Variants in THSD7A observed in about 807,000 individuals in gnomAD.
The protein encoded by THSD7A is thrombospondin type 1 domain containing 7A, also known as thrombospondin type-1 domain-containing protein 7A.
Under a neutral mutation model 231.3 loss-of-function variants are expected in THSD7A, and 96 were observed. The observed-to-expected ratio is 0.41, with a 90% CI of 0.35 to 0.49. THSD7A has a LOEUF of 0.49. Among genes scored for constraint, THSD7A ranks in the 20% least tolerant of loss-of-function variants. THSD7A has a pLI of 0.05. For missense variants in THSD7A, 2,290 were observed against 2,070.2 expected, an observed-to-expected ratio of 1.11 and a Z score of -2.06; for synonymous variants, 940 against 743.3, an observed-to-expected ratio of 1.26 and a Z score of -4.30.
chr7:11,630,461 A>G (rs905235050), intron 2 of THSD7A, among the ~76,000 whole-genome samples: 4 of 152,236 alleles, frequency 2.6e-5, no homozygotes, highest in Admixed American at 2.6e-4. Context: ...TAATATTTCT[A>G]GAGGTTATTA....
chr7:11,512,570 T>C (rs1488690304), intron 6 of THSD7A, among the ~76,000 whole-genome samples: 1 of 152,040 alleles, frequency 6.6e-6, no homozygotes, highest in Non-Finnish European at 1.5e-5. Context: ...TAAGAAACTG[T>C]GGCACATATA....
intron 6 of THSD7A, among the ~76,000 whole-genome samples, chr7:11,523,127 T>G (rs554646165): frequency 6.6e-6 from 1 of 152,108 alleles, no homozygotes; most frequent in Non-Finnish European, 1.5e-5. Flanking sequence ...TAATTTTCAG[T>G]TCTATATTGC....
intron 18 of THSD7A, 33 bp downstream of exon 18, chr7:11,412,623 C>A: frequency 6.2e-7 from 1 of 1,612,236 alleles, no homozygotes; most frequent in Non-Finnish European, 8.5e-7. Flanking sequence ...AGGATTTGGA[C>A]TTAACTCCGT....
chr7:11,603,884 G>C (rs1409563011), intron 2 of THSD7A, among the ~76,000 whole-genome samples: 1 of 127,990 alleles, frequency 7.8e-6, no homozygotes, highest in Admixed American at 8.4e-5. Context: ...GTGGTGGGGT[G>C]GGGGGAGGGG....
At chr7:11,467,416 G>A (rs924961741) in intron 9 of THSD7A, among the ~76,000 whole-genome samples, 5 of 152,084 alleles carry the variant, frequency 3.3e-5, no homozygotes, top group African/African-American at 1.2e-4. Context: ...AAGCTTCCTT[G>A]ATGTCTGGGA....
intron 2 of THSD7A, among the ~76,000 whole-genome samples, chr7:11,598,460 G>C (rs6951968): frequency 4.6e-5 from 7 of 151,922 alleles, no homozygotes; most frequent in African/African-American, 1.7e-4. Flanking sequence ...ACGAACAAAG[G>C]GGCCATAGTG....
chr7:11,567,270 T>C (rs542275593), intron 4 of THSD7A, among the ~76,000 whole-genome samples: 4 of 151,088 alleles, frequency 2.6e-5, no homozygotes, highest in African/African-American at 7.4e-5. Flanking sequence ...CACTTCCCCC[T>C]CAAGGCAGCA....
At chr7:11,792,415 C>G (rs1783982639) in intron 1 of THSD7A, among the ~76,000 whole-genome samples, 1 of 151,946 alleles carries the variant, frequency 6.6e-6, no homozygotes, top group Non-Finnish European at 1.5e-5. Flanking sequence ...TCATCTGACT[C>G]CTAACGCCAA....
intron 6 of THSD7A, among the ~76,000 whole-genome samples, chr7:11,528,467 A>G (rs545663194): frequency 6.6e-6 from 1 of 152,246 alleles, no homozygotes; most frequent in African/African-American, 2.4e-5. Context: ...GCAAGCCTCA[A>G]TAATTTAGGG....
intron 1 of THSD7A, among the ~76,000 whole-genome samples, chr7:11,745,702 A>C (rs895995255): frequency 5.9e-5 from 9 of 152,204 alleles, no homozygotes; most frequent in African/African-American, 1.9e-4. Flanking sequence ...TAAATAGGGA[A>C]TCCTTTCCCC....
chr7:11,409,680 C>T (rs538459456), intron 19 of THSD7A, among the ~76,000 whole-genome samples: 6 of 152,274 alleles, frequency 3.9e-5, no homozygotes, highest in East Asian at 1.9e-4. Flanking sequence ...ACATACTAAT[C>T]AACCAGAAGT....
chr7:11,734,667 A>G (rs1215294074), intron 1 of THSD7A, among the ~76,000 whole-genome samples: 2 of 151,920 alleles, frequency 1.3e-5, no homozygotes, highest in African/African-American at 2.4e-5. Flanking sequence ...TTATTTTGCT[A>G]CTATTATTTG....
intron 27 of THSD7A, 104 bp downstream of exon 27, chr7:11,376,466 T>C (rs1429101925): frequency 5.8e-6 from 5 of 861,268 alleles, no homozygotes; most frequent in East Asian, 5.5e-5. Flanking sequence ...TAGAAATTCA[T>C]GTGAACACCA....
Position 11,382,551 on chromosome 7 carries a change from A to C in THSD7A, c.4477T>G (p.Cys1493Gly). The C allele has an allele frequency of 6.2e-7, 1 of 1,612,904 alleles. No homozygotes were observed. Residue 1493 changes from cysteine (C) to glycine (G), a missense_variant, in exon 24 of 28, where the codon TGT becomes GGT. Coordinates refer to ENST00000423059, the MANE Select transcript of THSD7A (RefSeq NM_015204.3). ...ACATTTATACCATCTGACCTTTGAC[A>C]CCACACTGTTCGGGAAGAGCCCTTC... is the stretch of plus-strand genomic sequence containing the variant. ...AWKGSSRTVWCQRSDGINVTG... is the reference protein window; with the variant it reads ...AWKGSSRTVWGQRSDGINVTG...
chr7:11,818,629 T>C (rs1296498339), intron 1 of THSD7A, among the ~76,000 whole-genome samples: 1 of 152,156 alleles, frequency 6.6e-6, no homozygotes, highest in Non-Finnish European at 1.5e-5. Flanking sequence ...GCTTCCTCAG[T>C]GCAAAGCAAG....
chr7:11,525,402 C>A (rs1433625841), intron 6 of THSD7A, among the ~76,000 whole-genome samples: 1 of 152,044 alleles, frequency 6.6e-6, no homozygotes, highest in African/African-American at 2.4e-5. Flanking sequence ...AAGGTAAGAA[C>A]AATTAGTAAT....
chr7:11,671,427 T>A (rs1398484449), intron 1 of THSD7A, among the ~76,000 whole-genome samples: 1 of 152,212 alleles, frequency 6.6e-6, no homozygotes, highest in South Asian at 2.1e-4. Flanking sequence ...AATGATTTTA[T>A]AGGCATGTGT....
intron 1 of THSD7A, among the ~76,000 whole-genome samples, chr7:11,831,000 T>C (rs908840741): frequency 6.6e-6 from 1 of 152,156 alleles, no homozygotes; most frequent in Non-Finnish European, 1.5e-5. Flanking sequence ...GAAAAGGGGT[T>C]GGTAATTCCT....
rs115359104 is a variant in THSD7A at position 11,424,188 on chromosome 7, A to T, written c.3383+508T>A. Among the ~76,000 whole-genome samples, 606 of 152,052 alleles carry T rather than the reference A, an allele frequency of 4.0e-3. 6 individuals are homozygous for T. The highest frequency in any genetic ancestry group is 0.014 in the African/African-American group (579 of 41,438). On this transcript the variant is annotated intron_variant, in intron 16 of 27. Transcript: ENST00000423059. The stretch of plus-strand genomic sequence containing the variant: ...GCATTTTTAATTTAATTTAAACTTA[A>T]TTTTTTTTAATTTAAATTGAGTTAG...
Sources: allele counts gnomAD v4.1 joint callset (sites outside exome capture counted in the v4.1 genomes callset), GRCh38; gene constraint gnomAD v4.1.1; transcripts MANE v1.5; gene names NCBI Gene and HGNC (gene_info 2026-07-23, HGNC 2026-07-21).